Variants in PCM1 observed in about 807,000 individuals in gnomAD.
The protein encoded by PCM1 is pericentriolar material 1 protein.
PCM1 carries 157 observed loss-of-function variants against 241.9 expected under a neutral mutation model. That is an observed-to-expected ratio of 0.65 (90% CI 0.57 to 0.74). The LOEUF (loss-of-function observed/expected upper bound fraction) is 0.74, where lower values mean the gene tolerates loss of function less well. PCM1 is among the 30% of genes least tolerant of loss of function. The pLI is 0.00. For missense variants in PCM1, 3,478 were observed against 2,360.1 expected, an observed-to-expected ratio of 1.47 and a Z score of -9.81; for synonymous variants, 1,085 against 784.9, an observed-to-expected ratio of 1.38 and a Z score of -6.39.
chr8:18,027,863 T>TG lies in PCM1; in HGVS notation c.*201_*202insG. 1 of 219,458 alleles carries TG rather than the reference T, an allele frequency of 4.6e-6. No individual in the cohort carries two copies. Among genetic ancestry groups the TG allele is most frequent in the Non-Finnish European group, 8.8e-6 (1 of 113,630 alleles). The allele number at this position is 219,458 out of a possible 1,614,324, so 13.6% of individuals were successfully genotyped here. A position where few individuals can be genotyped will look rare whatever the true frequency, so the allele number is the denominator to read the frequency against. On this transcript the variant is annotated 3_prime_UTR_variant, in exon 39 of 39. Coordinates refer to ENST00000325083, the MANE Select transcript of PCM1 (RefSeq NM_006197.4). ...CAGATTTAAGCCTTGACACACTGTG[T>TG]TTTTTTTTTTTTCCCCCTTCTTTTT...
intron 6 of PCM1, among the ~76,000 whole-genome samples, chr8:17,946,201 C>G (rs7013838): frequency 3.6e-4 from 55 of 152,152 alleles, no homozygotes; most frequent in African/African-American, 1.3e-3. Context: ...TAGATGATAA[C>G]CTCCTAGCAT....
rs376148457 is a variant in PCM1, at chr8:17,937,275, C to T, written c.238C>T (p.Pro80Ser). ...AGTTGGAAGGCGAAGAACAAAGACTCCACATACGTTCCCACACAGTAGATA... is the reference window on the plus strand; with the variant it reads ...AGTTGGAAGGCGAAGAACAAAGACTTCACATACGTTCCCACACAGTAGATA... ...PGVGRRRTKT[P>S]HTFPHSRYMS... is the part of the protein sequence containing the mutation. Residue 80 changes from proline (P) to serine (S), a missense_variant, in exon 4 of 39, where the codon CCA (proline) becomes TCA (serine). By Grantham distance (74) the Pro-to-Ser change is moderately conservative. Transcript: ENST00000325083. The T allele has an allele frequency of 2.3e-5, 37 of 1,610,556 alleles. No homozygotes were observed. In the East Asian group the frequency reaches 7.6e-4, roughly 33 times the overall value.
intron 9 of PCM1, among the ~76,000 whole-genome samples, chr8:17,955,228 T>G (rs1476974283): frequency 6.6e-6 from 1 of 152,204 alleles, no homozygotes; most frequent in Non-Finnish European, 1.5e-5. Flanking sequence ...CTTTCTGTTT[T>G]AACCCAGTGG....
intron 29 of PCM1, among the ~76,000 whole-genome samples, chr8:18,000,713 C>T (rs994559739): frequency 6.6e-6 from 1 of 152,088 alleles, no homozygotes; most frequent in Non-Finnish European, 1.5e-5. Context: ...CCCTTGCCTT[C>T]TGGGTTCAAG....
intron 23 of PCM1, among the ~76,000 whole-genome samples, chr8:17,977,887 A>G (rs2079309140): frequency 6.6e-6 from 1 of 152,230 alleles, no homozygotes; most frequent in African/African-American, 2.4e-5. Context: ...ATTTGGGTCC[A>G]GCCTTAAGAG....
chr8:18,018,518 A>G (rs2093436745), intron 36 of PCM1, among the ~76,000 whole-genome samples: 1 of 152,212 alleles, frequency 6.6e-6, no homozygotes, highest in Non-Finnish European at 1.5e-5. Flanking sequence ...TGTCTCTATA[A>G]TACTATAATC....
rs1317238510 is a variant in PCM1, at chr8:18,006,471, C to G, written c.4962+74C>G. The G allele has an allele frequency of 3.4e-6, 3 of 873,768 alleles. No individual in the cohort carries two copies. The African/African-American group carries it at 5.0e-5, about 15-fold the overall frequency. The allele number at this position is 873,768 out of a possible 1,614,324, so 54.1% of individuals were successfully genotyped here. A position where few individuals can be genotyped will look rare whatever the true frequency, so the allele number is the denominator to read the frequency against. On this transcript the variant is annotated intron_variant, in intron 30 of 38. Coordinates refer to ENST00000325083, the MANE Select transcript of PCM1 (RefSeq NM_006197.4). ...GTTTTTTTTCGGGGGGTGGGTGAGGCATTTTCTTGCATTACACAATTTATT... is the reference window on the plus strand; with the variant it reads ...GTTTTTTTTCGGGGGGTGGGTGAGGGATTTTCTTGCATTACACAATTTATT...
chr8:17,987,362 T>C (rs893476677), intron 26 of PCM1, among the ~76,000 whole-genome samples: 13 of 151,846 alleles, frequency 8.6e-5, no homozygotes, highest in Admixed American at 1.3e-4. Context: ...TTTTCAATAA[T>C]TTTATATCCT....
At chr8:17,975,831 G>C (rs1326083271) in intron 23 of PCM1, among the ~76,000 whole-genome samples, 1 of 152,120 alleles carries the variant, frequency 6.6e-6, no homozygotes, top group Admixed American at 6.5e-5. Context: ...TTGCATATGA[G>C]GTAAGAATAT....
chr8:17,999,883 A>C (rs1588176229), intron 29 of PCM1, among the ~76,000 whole-genome samples: 1 of 152,094 alleles, frequency 6.6e-6, no homozygotes, highest in Non-Finnish European at 1.5e-5. Context: ...AATATTTATA[A>C]AATGCCTACT....
rs1182510866 is a variant in PCM1 at position 17,962,065 on chromosome 8, C to T, written c.2354C>T (p.Thr785Ile). Residue 785 changes from threonine (T) to isoleucine (I), a missense_variant, in exon 16 of 39, where the codon ACC becomes ATC. Thr to Ile is a moderately conservative substitution (Grantham distance 89). Transcript: ENST00000325083. ...GCTGCTAGTGTGGGTAACTGTCCCA[C>T]CAAAAAATATATGCCAGCTGTTACT... ...LSAASVGNCP[T>I]KKYMPAVTST... 3.1e-6 allele frequency: 5 copies of T among 1,611,330 alleles called. No individual in the cohort carries two copies. The highest frequency in any genetic ancestry group is 4.2e-6 in the Non-Finnish European group (5 of 1,178,470).
At chr8:17,970,180 G>T (rs1031550225) in intron 22 of PCM1, among the ~76,000 whole-genome samples, 1 of 152,000 alleles carries the variant, frequency 6.6e-6, no homozygotes, top group Non-Finnish European at 1.5e-5. Context: ...AACAACTTTT[G>T]TCTCATAAGT....
rs542717466 is a variant in PCM1 at position 18,009,239 on chromosome 8, T to C, written c.4963-308T>C. On this transcript the variant is annotated intron_variant, in intron 30 of 38. Transcript: ENST00000325083. ...ATTTATTACTGTAGTATATATTGTA[T>C]CTCCTGTACTGTCAGGGAACTTTCT... Among the ~76,000 whole-genome samples, 5 of 152,298 alleles carry C rather than the reference T, an allele frequency of 3.3e-5. No homozygotes were observed. In the East Asian group the frequency reaches 9.6e-4, roughly 29 times the overall value.
At chr8:18,022,435 T>C (rs2093830717) in intron 36 of PCM1, among the ~76,000 whole-genome samples, 1 of 152,238 alleles carries the variant, frequency 6.6e-6, no homozygotes, top group African/African-American at 2.4e-5. Context: ...GCTGGCCATG[T>C]AGTCATATAG....
intron 36 of PCM1, among the ~76,000 whole-genome samples, 171 bp downstream of exon 36, chr8:18,015,011 A>G (rs1394512179): frequency 1.3e-5 from 2 of 152,240 alleles, no homozygotes; most frequent in Non-Finnish European, 2.9e-5. Flanking sequence ...ATAGTGAATT[A>G]AGATGACCAT....
chr8:18,010,578 C>G, intron 31 of PCM1, 31 bp from the exon 32 acceptor site: 5 of 1,532,630 alleles, frequency 3.3e-6, no homozygotes, highest in Non-Finnish European at 3.6e-6. Flanking sequence ...AAGTATGTTG[C>G]TAAATTCTGT....
chr8:18,001,252 G>A (rs193029367), intron 29 of PCM1, among the ~76,000 whole-genome samples: 1 of 152,172 alleles, frequency 6.6e-6, no homozygotes, highest in African/African-American at 2.4e-5. Flanking sequence ...AGTCCCTGTT[G>A]TTAAATATTT....
chr8:17,997,175 A>G (rs892716388), intron 29 of PCM1, among the ~76,000 whole-genome samples: 1 of 152,188 alleles, frequency 6.6e-6, no homozygotes, highest in East Asian at 1.9e-4. Context: ...TTCTAGGGTA[A>G]AAGTTTTCTT....
chr8:17,930,753 G>A (rs952672242), intron 2 of PCM1, among the ~76,000 whole-genome samples: 5 of 151,904 alleles, frequency 3.3e-5, no homozygotes, highest in Non-Finnish European at 5.9e-5. Context: ...GGTGGCGGGT[G>A]CCTGTAGTCC....
Sources: allele counts gnomAD v4.1 joint callset (sites outside exome capture counted in the v4.1 genomes callset), GRCh38; gene constraint gnomAD v4.1.1; transcripts MANE v1.5; gene names NCBI Gene and HGNC (gene_info 2026-07-23, HGNC 2026-07-21).